LARS2: variants seen among roughly 807,000 people sequenced by gnomAD.
The protein encoded by LARS2 is leucine--tRNA ligase, mitochondrial.
Under a neutral mutation model 116.6 loss-of-function variants are expected in LARS2, and 81 were observed. That is an observed-to-expected ratio of 0.69 (90% CI 0.58 to 0.84). LARS2 has a LOEUF of 0.84. Ranked by LOEUF, LARS2 falls within the 40% of genes least tolerant of loss-of-function variation. The pLI is 0.00. For missense variants in LARS2, 968 were observed against 1,114.5 expected (o/e 0.87, Z 1.87); for synonymous variants, 396 against 407.2 (o/e 0.97, Z 0.33).
chr3:45,516,032 T>C (rs1217660647), intron 16 of LARS2, 62 bp from the exon 17 acceptor site: 1 of 1,355,058 alleles, frequency 7.4e-7, no homozygotes, highest in Non-Finnish European at 1.0e-6. Flanking sequence ...TTATTGATGC[T>C]ATTTCTATAG....
At chr3:45,430,465 A>G (rs1184011071) in intron 6 of LARS2, among the ~76,000 whole-genome samples, 12 of 144,090 alleles carry the variant, frequency 8.3e-5, no homozygotes, top group Non-Finnish European at 1.5e-4. Context: ...TATTTTTAGT[A>G]GAGACGGGGT....
Position 45,513,273 on chromosome 3 carries a change from A to T in LARS2, c.1861+38A>T, listed in dbSNP as rs201682561. ...CATCTGGTCCCATCCAGGTACTCCC[A>T]GAGAGCCAAGGCCAGGCCTGAGAGC... On this transcript the variant is annotated intron_variant, in intron 16 of 21. Transcript: ENST00000645846. The T allele has an allele frequency of 1.0e-5, 14 of 1,354,788 alleles. No individual in the cohort carries two copies. In the East Asian group the frequency reaches 1.4e-4, roughly 13 times the overall value. The allele number at this position is 1,354,788 out of a possible 1,614,324, so 83.9% of individuals were successfully genotyped here.
chr3:45,509,065 A>G (rs936379752), intron 15 of LARS2, among the ~76,000 whole-genome samples: 2 of 152,138 alleles, frequency 1.3e-5, no homozygotes, highest in Non-Finnish European at 2.9e-5. Flanking sequence ...CTTCAGTGCA[A>G]GCAAGCATGA....
intron 11 of LARS2, among the ~76,000 whole-genome samples, chr3:45,486,210 G>A (rs185347479): frequency 1.2e-3 from 187 of 152,280 alleles, no homozygotes; most frequent in Admixed American, 2.3e-3. Flanking sequence ...CTGGGACGGG[G>A]GTTCAAATGA....
At chr3:45,430,932 A>T (rs1205110344) in intron 6 of LARS2, among the ~76,000 whole-genome samples, 1 of 152,130 alleles carries the variant, frequency 6.6e-6, no homozygotes, top group Non-Finnish European at 1.5e-5. Flanking sequence ...TATCCCTCTA[A>T]AATTCATATA....
In LARS2 at chr3:45,394,587, G is replaced by C; in HGVS notation, c.134G>C (p.Gly45Ala). The change falls in exon 3 of 22, where the codon GGA becomes GCA. Residue 45 changes from glycine to alanine, a missense_variant. Gly to Ala is a moderately conservative substitution (Grantham distance 60). Transcript: ENST00000645846. ...GCTRSIYSAT[G>A]KWTKEYTLQT... ...ACCAGAAGCATCTACAGTGCCACGG[G>C]AAAGTGGACAAAAGAGTATACATTG... 6.2e-7 allele frequency: 1 copy of C among 1,614,172 alleles called. No individual in the cohort carries two copies. The highest frequency in any genetic ancestry group is 8.5e-7 in the Non-Finnish European group (1 of 1,179,996).
At chr3:45,424,097 A>G (rs1259039527) in intron 6 of LARS2, among the ~76,000 whole-genome samples, 1 of 151,950 alleles carries the variant, frequency 6.6e-6, no homozygotes, top group Non-Finnish European at 1.5e-5. Context: ...ATTAATAAGT[A>G]GAGTGCAAGT....
In LARS2 at chr3:45,458,841, G is replaced by C. The variant is rs751182868; in HGVS notation, c.705G>C (p.Gln235His). Residue 235 changes from glutamine to histidine, a missense_variant, in exon 8 of 22, where the codon CAG (glutamine) becomes CAC (histidine). Gln to His is a conservative substitution (Grantham distance 24). Coordinates refer to ENST00000645846, the MANE Select transcript of LARS2 (RefSeq NM_015340.4). ...GGCGTTCTGGAGCAAAGGTGGAACA[G>C]AAGTACCTCAGACAATGGTTTATTA... is the stretch of plus-strand genomic sequence containing the variant. ...CSWRSGAKVE[Q>H]KYLRQWFIKT... 1.9e-6 allele frequency: 3 copies of C among 1,614,050 alleles called. No individual in the cohort carries two copies. Among genetic ancestry groups the C allele is most frequent in the Admixed American group, 1.7e-5 (1 of 60,000 alleles).
chr3:45,428,239 GTTTTTT>G (rs35323496), intron 6 of LARS2, among the ~76,000 whole-genome samples: 28 of 84,226 alleles, frequency 3.3e-4, no homozygotes, highest in African/African-American at 6.5e-4. Flanking sequence ...ATCTTAACCT[GTTTTTT>G]TTTTTTTTTT....
chr3:45,538,199 T>C (rs1009497508), intron 20 of LARS2: 2 of 152,224 alleles, frequency 1.3e-5, no homozygotes, highest in African/African-American at 2.4e-5. Flanking sequence ...CCCATCTATA[T>C]GGAAATGTTG....
intron 15 of LARS2, among the ~76,000 whole-genome samples, chr3:45,504,287 A>C (rs944738831): frequency 3.9e-5 from 6 of 152,052 alleles, no homozygotes; most frequent in African/African-American, 1.4e-4. Flanking sequence ...AAATTTTGAT[A>C]GATAGAAAAA....
chr3:45,500,606 T>C, intron 15 of LARS2, 27 bp downstream of exon 15: 1 of 1,503,112 alleles, frequency 6.7e-7, no homozygotes, highest in South Asian at 1.3e-5. Flanking sequence ...CTTTGCAAAA[T>C]AATTGAGTTC....
At chr3:45,488,959 T>C (rs1699865702) in intron 12 of LARS2, 147 bp downstream of exon 12, 1 of 642,232 alleles carries the variant, frequency 1.6e-6, no homozygotes, top group Non-Finnish European at 2.8e-6. Context: ...AACAAAATAA[T>C]ATTCTTCAAG....
chr3:45,471,255 A>G (rs1009638405), intron 8 of LARS2, among the ~76,000 whole-genome samples: 1 of 152,208 alleles, frequency 6.6e-6, no homozygotes, highest in African/African-American at 2.4e-5. Context: ...GAAAACAGTC[A>G]TGAATCATGT....
chr3:45,413,934 G>T (rs1698374910), intron 4 of LARS2, among the ~76,000 whole-genome samples: 1 of 152,188 alleles, frequency 6.6e-6, no homozygotes, highest in Admixed American at 6.5e-5. Flanking sequence ...AAGTGTGCTT[G>T]TGCTGGACAT....
At chr3:45,483,306 T>C (rs1699738077) in intron 10 of LARS2, among the ~76,000 whole-genome samples, 1 of 152,166 alleles carries the variant, frequency 6.6e-6, no homozygotes, top group South Asian at 2.1e-4. Context: ...CCTGGTAACA[T>C]CATATTATAA....
chr3:45,446,075 T>C (rs2125703793), intron 6 of LARS2, among the ~76,000 whole-genome samples: 1 of 152,294 alleles, frequency 6.6e-6, no homozygotes, highest in South Asian at 2.1e-4. Flanking sequence ...CTTCTGTCTC[T>C]TAAAAATAAA....
intron 15 of LARS2, among the ~76,000 whole-genome samples, chr3:45,511,321 C>T (rs1187780824): frequency 6.6e-6 from 1 of 152,178 alleles, no homozygotes; most frequent in Admixed American, 6.5e-5. Context: ...ATGTGGACAT[C>T]CCCTGAGAGC....
At chr3:45,464,844 G>A (rs1350214812) in intron 8 of LARS2, among the ~76,000 whole-genome samples, 1 of 152,138 alleles carries the variant, frequency 6.6e-6, no homozygotes, top group Non-Finnish European at 1.5e-5. Flanking sequence ...GCCAGGGCTG[G>A]GATTTGGTGA....
Sources: allele counts gnomAD v4.1 joint callset (sites outside exome capture counted in the v4.1 genomes callset), GRCh38; gene constraint gnomAD v4.1.1; transcripts MANE v1.5; gene names NCBI Gene and HGNC (gene_info 2026-07-23, HGNC 2026-07-21).